The following FUT9 variants were observed in gnomAD, a reference collection of about 807,000 sequenced individuals.
FUT9 encodes the protein 4-galactosyl-N-acetylglucosaminide 3-alpha-L-fucosyltransferase 9.
In FUT9, 15 loss-of-function variants were observed where a neutral mutation model predicts 29.7. The observed-to-expected ratio is 0.51, with a 90% confidence interval of 0.34 to 0.78. The LOEUF (loss-of-function observed/expected upper bound fraction) is 0.78, where lower values mean the gene tolerates loss of function less well. Ranked by LOEUF, FUT9 falls within the 30% of genes least tolerant of loss-of-function variation. FUT9 has a pLI of 0.01. For missense variants in FUT9, 319 were observed against 425.4 expected, an observed-to-expected ratio of 0.75 and a Z score of 2.20; for synonymous variants, 169 against 153.7, an observed-to-expected ratio of 1.10 and a Z score of -0.74.
At chr6:96,190,086 T>C (rs1472870602) in intron 2 of FUT9, among the ~76,000 whole-genome samples, 1 of 152,166 alleles carries the variant, frequency 6.6e-6, no homozygotes, top group East Asian at 1.9e-4. Context: ...TCAGGAGCTC[T>C]TGTAGGGCAG....
In FUT9 at chr6:96,189,109, G is replaced by A. The variant is rs115335617; in HGVS notation, c.-8-14039G>A. Among the ~76,000 whole-genome samples, 652 of 152,120 alleles carry A rather than the reference G, an allele frequency of 4.3e-3. 5 individuals are homozygous for A. Among genetic ancestry groups the A allele is most frequent in the African/African-American group, 0.015 (613 of 41,516 alleles). On this transcript the variant is annotated intron_variant, in intron 2 of 2. Transcript: ENST00000302103. ...TTGGGGGAAGGTTGGGAGACTGTTC[G>A]GGGAAGGTTGGGAGACTGTCAGGAA...
chr6:96,059,884 C>A (rs1770842603), intron 1 of FUT9, among the ~76,000 whole-genome samples: 1 of 152,112 alleles, frequency 6.6e-6, no homozygotes, highest in Non-Finnish European at 1.5e-5. Flanking sequence ...TATTTCATGT[C>A]ATGGAAGCAT....
At chr6:96,058,255 C>T (rs1770810095) in intron 1 of FUT9, among the ~76,000 whole-genome samples, 1 of 152,042 alleles carries the variant, frequency 6.6e-6, no homozygotes, top group East Asian at 1.9e-4. Flanking sequence ...GACAAGCATT[C>T]ATTGTTCAAA....
intron 2 of FUT9, among the ~76,000 whole-genome samples, chr6:96,133,811 CAAGT>C (rs2127970313): frequency 6.6e-6 from 1 of 151,996 alleles, no homozygotes; most frequent in Admixed American, 6.6e-5. Flanking sequence ...AGTAGACTCT[CAAGT>C]AAATAATAAA....
intron 1 of FUT9, among the ~76,000 whole-genome samples, chr6:96,101,461 A>G (rs903165004): frequency 3.5e-4 from 53 of 151,982 alleles, no homozygotes; most frequent in African/African-American, 1.2e-3. Flanking sequence ...AGGCAGGAGA[A>G]TCACCTGAAC....
chr6:96,209,851 A>C lies in FUT9; in HGVS notation c.*5616A>C, dbSNP rs1773901307. On this transcript the variant is annotated 3_prime_UTR_variant, in exon 3 of 3. Transcript: ENST00000302103. Reference sequence around the variant, plus strand: ...AATACCGATTTCTGGGCTTTGAGCCATGAAATTAGAATTTCTTCAAATAAT... The same window carrying C: ...AATACCGATTTCTGGGCTTTGAGCCCTGAAATTAGAATTTCTTCAAATAAT... The C allele has an allele frequency of 6.0e-6, 1 of 166,540 alleles. No individual in the cohort carries two copies. Among genetic ancestry groups the C allele is most frequent in the Non-Finnish European group, 1.5e-5 (1 of 68,030 alleles). 10.3% of individuals were successfully genotyped at this position (166,540 alleles called of 1,614,324 possible). A position where few individuals can be genotyped will look rare whatever the true frequency, so the allele number is the denominator to read the frequency against.
At chr6:96,136,531 T>C (rs887385456) in intron 2 of FUT9, among the ~76,000 whole-genome samples, 2 of 152,014 alleles carry the variant, frequency 1.3e-5, no homozygotes, top group African/African-American at 2.4e-5. Flanking sequence ...TTATATTTTA[T>C]CTTTATATTT....
chr6:96,137,281 C>G (rs1178235019), intron 2 of FUT9, among the ~76,000 whole-genome samples: 1 of 151,798 alleles, frequency 6.6e-6, no homozygotes, highest in Non-Finnish European at 1.5e-5. Flanking sequence ...ATTTGATAAA[C>G]AAAATAAATA....
intron 2 of FUT9, among the ~76,000 whole-genome samples, chr6:96,172,559 A>G (rs552897425): frequency 2.0e-5 from 3 of 152,232 alleles, no homozygotes; most frequent in Admixed American, 2.0e-4. Flanking sequence ...CTAGGAAATT[A>G]GGGTCTTAGT....
intron 1 of FUT9, among the ~76,000 whole-genome samples, chr6:96,107,017 A>G (rs571730698): frequency 4.5e-4 from 68 of 152,326 alleles, no homozygotes; most frequent in Non-Finnish European, 8.2e-4. Context: ...ATTGTATAAT[A>G]TATGCGTACC....
intron 1 of FUT9, among the ~76,000 whole-genome samples, chr6:96,061,853 T>C (rs946169652): frequency 6.6e-6 from 1 of 152,164 alleles, no homozygotes; most frequent in South Asian, 2.1e-4. Flanking sequence ...GTAGAGGGAT[T>C]CTCCCAGAGT....
At chr6:96,161,470 C>A (rs895599803) in intron 2 of FUT9, among the ~76,000 whole-genome samples, 1 of 152,002 alleles carries the variant, frequency 6.6e-6, no homozygotes, top group Admixed American at 6.6e-5. Flanking sequence ...GTTGTAACAG[C>A]CTGACTGAAC....
At chr6:96,053,565 C>T (rs1398659550) in intron 1 of FUT9, among the ~76,000 whole-genome samples, 2 of 151,936 alleles carry the variant, frequency 1.3e-5, no homozygotes, top group Admixed American at 1.3e-4. Context: ...AAAAGTTAGC[C>T]GGGCATGGTG....
chr6:96,053,109 T>C (rs1045551123), intron 1 of FUT9, among the ~76,000 whole-genome samples: 1 of 152,068 alleles, frequency 6.6e-6, no homozygotes, highest in African/African-American at 2.4e-5. Flanking sequence ...TTTATCCTGG[T>C]CTACTGAGAA....
At chr6:96,028,804 C>A (rs892647127) in intron 1 of FUT9, among the ~76,000 whole-genome samples, 1 of 151,458 alleles carries the variant, frequency 6.6e-6, no homozygotes, top group Non-Finnish European at 1.5e-5. Flanking sequence ...CACGGAAGAG[C>A]TAATTAGAAT....
In FUT9 at chr6:96,211,231, A is replaced by G. The variant is rs1773931154; in HGVS notation, c.*6996A>G. 1.2e-5 allele frequency: 2 copies of G among 166,704 alleles called. No homozygotes were observed. Among genetic ancestry groups the G allele is most frequent in the South Asian group, 4.1e-4 (2 of 4,830 alleles). The allele number at this position is 166,704 out of a possible 1,614,324, so 10.3% of individuals were successfully genotyped here. A position where few individuals can be genotyped will look rare whatever the true frequency, so the allele number is the denominator to read the frequency against. On this transcript the variant is annotated 3_prime_UTR_variant, in exon 3 of 3. Transcript: ENST00000302103. ...GTGGTGAATAGGCATTGTTTGCATT[A>G]CTAAATATATATACCATTTCTTAAG...
chr6:96,070,805 A>AATGTAT (rs1319833510), intron 1 of FUT9, among the ~76,000 whole-genome samples: 1 of 152,198 alleles, frequency 6.6e-6, no homozygotes, highest in East Asian at 1.9e-4. Context: ...TACAAACCAG[A>AATGTAT]ATGTATATGT....
At chr6:96,148,599 G>C (rs1394276326) in intron 2 of FUT9, among the ~76,000 whole-genome samples, 1 of 152,096 alleles carries the variant, frequency 6.6e-6, no homozygotes, top group African/African-American at 2.4e-5. Flanking sequence ...CCAAAGCCTG[G>C]AGTGGCCCTG....
chr6:96,065,136 G>A (rs938066759), intron 1 of FUT9, among the ~76,000 whole-genome samples: 7 of 152,040 alleles, frequency 4.6e-5, no homozygotes, highest in South Asian at 2.1e-4. Context: ...GTGTCACGTC[G>A]TAACTCTTCT....
Sources: allele counts gnomAD v4.1 joint callset (sites outside exome capture counted in the v4.1 genomes callset), GRCh38; gene constraint gnomAD v4.1.1; transcripts MANE v1.5; gene names NCBI Gene and HGNC (gene_info 2026-07-23, HGNC 2026-07-21).